Variants in TNN observed in about 807,000 individuals in gnomAD.
The protein encoded by TNN is tenascin-N.
In TNN, 122 loss-of-function variants were observed where a neutral mutation model predicts 134.4. The observed-to-expected ratio is 0.91, with a 90% CI of 0.78 to 1.06. TNN has a LOEUF of 1.06. Ranked by LOEUF, TNN falls within the 50% of genes least tolerant of loss-of-function variation. The pLI is 0.00. For synonymous variants in TNN, 710 were observed against 670.3 expected, an observed-to-expected ratio of 1.06 and a Z score of -0.91; for missense variants, 1,739 against 1,699.4, an observed-to-expected ratio of 1.02 and a Z score of -0.41.
chr1:175,138,031 G>T (rs926995930), intron 17 of TNN, among the ~76,000 whole-genome samples: 1 of 152,206 alleles, frequency 6.6e-6, no homozygotes, highest in Non-Finnish European at 1.5e-5. Context: ...GGAGGAAATA[G>T]AGGGCTCTCC....
At chr1:175,109,105 G>T (rs1157542219) in intron 9 of TNN, among the ~76,000 whole-genome samples, 1 of 45,476 alleles carries the variant, frequency 2.2e-5, no homozygotes, top group Admixed American at 2.1e-4. Context: ...TTTTTGAGAC[G>T]GAGTCTCGCT....
intron 9 of TNN, among the ~76,000 whole-genome samples, chr1:175,101,821 G>C (rs1458256837): frequency 1.3e-5 from 2 of 150,656 alleles, no homozygotes; most frequent in Non-Finnish European, 3.0e-5. Flanking sequence ...CACCAGAGCA[G>C]CTAGATACAC....
chr1:175,076,796 G>T (rs1207992320), intron 1 of TNN, among the ~76,000 whole-genome samples: 1 of 152,116 alleles, frequency 6.6e-6, no homozygotes, highest in Non-Finnish European at 1.5e-5. Context: ...GATTGCCTGG[G>T]TTCAAATCCT....
intron 9 of TNN, among the ~76,000 whole-genome samples, chr1:175,116,228 T>C (rs1675162858): frequency 6.6e-6 from 1 of 152,152 alleles, no homozygotes; most frequent in Non-Finnish European, 1.5e-5. Flanking sequence ...CTTTTTTTTC[T>C]TGTGGAGAAA....
At chr1:175,134,229 C>T (rs1025099122) in intron 15 of TNN, among the ~76,000 whole-genome samples, 26 of 152,140 alleles carry the variant, frequency 1.7e-4, no homozygotes, top group African/African-American at 6.3e-4. Flanking sequence ...CACACTTAAC[C>T]ACATCCCCAA....
rs111501481 is a variant in TNN at position 175,114,724 on chromosome 1, GT to G, written c.2120-2212del. 3.0e-4 allele frequency among the ~76,000 whole-genome samples: 44 copies of G among 145,524 alleles called. 1 individual carries two copies. Among genetic ancestry groups the G allele is most frequent in the African/African-American group, 1.1e-3 (44 of 38,964 alleles). ...CCCTGATGGGCAGGGTGCAGCCGTGGTTTAACTTGGAGGAAGAAGAAGTGCT... is the reference window on the plus strand; with the variant it reads ...CCCTGATGGGCAGGGTGCAGCCGTGGTTAACTTGGAGGAAGAAGAAGTGCT... On this transcript the variant is annotated intron_variant, in intron 9 of 18. Transcript: ENST00000239462.
intron 4 of TNN, 42 bp downstream of exon 4, chr1:175,080,468 C>G: frequency 6.2e-7 from 1 of 1,608,072 alleles, no homozygotes; most frequent in Non-Finnish European, 8.5e-7. Flanking sequence ...CAGGAGAGGC[C>G]CCATTCTAAA....
chr1:175,105,211 G>T (rs1411139935), intron 9 of TNN, among the ~76,000 whole-genome samples: 1 of 145,914 alleles, frequency 6.9e-6, no homozygotes, highest in Non-Finnish European at 1.5e-5. Flanking sequence ...GACCCTGTAG[G>T]ACATCTATGT....
chr1:175,139,101 GA>G (rs2101852875), intron 17 of TNN, among the ~76,000 whole-genome samples: 1 of 152,308 alleles, frequency 6.6e-6, no homozygotes, highest in Non-Finnish European at 1.5e-5. Flanking sequence ...GAGCGAATGT[GA>G]AGGCCCAGGA....
chr1:175,094,180 G>A lies in TNN; in HGVS notation c.1515G>A (p.Glu505=), dbSNP rs1674513909. 1.9e-6 allele frequency: 3 copies of A among 1,614,156 alleles called. No homozygotes were observed. Among genetic ancestry groups the A allele is most frequent in the African/African-American group, 2.7e-5 (2 of 75,052 alleles). ...TCCTGACGGGCCTGAAGCCAGGAGA[G>A]GCATACAAGGTCTACGTGTGGGCTG... ...STVLTGLKPG[E]AYKVYVWAER... The change falls in exon 7 of 19, where the codon GAG becomes GAA. Residue 505 remains glutamate (E), a synonymous_variant. Coordinates refer to ENST00000239462, the MANE Select transcript of TNN (RefSeq NM_022093.2).
intron 9 of TNN, among the ~76,000 whole-genome samples, chr1:175,111,486 CAAAAAAAAAAAAAAAAA>C (rs59538028): frequency 0.054 from 3,410 of 62,888 alleles, 184 homozygotes; most frequent in African/African-American, 0.18. Context: ...GACTCTGTCT[CAAAAAAAAAAAAAAAAA>C]AAAAAAAAAA....
chr1:175,083,580 G>T (rs1674250450), intron 4 of TNN, among the ~76,000 whole-genome samples, 170 bp from the exon 5 acceptor site: 1 of 152,212 alleles, frequency 6.6e-6, no homozygotes, highest in Non-Finnish European at 1.5e-5. Context: ...CAGCAGCTTA[G>T]TTGCTACTTT....
At chr1:175,077,919 C>A in intron 2 of TNN, 92 bp downstream of exon 2, 1 of 1,274,452 alleles carries the variant, frequency 7.8e-7, no homozygotes, top group Non-Finnish European at 1.1e-6. Context: ...CACTTTGTGA[C>A]TCTGGTGTGC....
In TNN at chr1:175,106,141, G is replaced by A. The variant is rs529793288; in HGVS notation, c.2119+7546G>A. 3.6e-4 allele frequency among the ~76,000 whole-genome samples: 52 copies of A among 145,368 alleles called. 9 individuals carry two copies. The South Asian group carries it at 8.3e-3, about 23-fold the overall frequency. ...CCGACTGAGAAAAATCAGATTTAGT[G>A]GCCCTTACTGACGCATTCTCAAAAA... On this transcript the variant is annotated intron_variant, in intron 9 of 18. Transcript: ENST00000239462.
chr1:175,093,661 G>A (rs922487765), intron 6 of TNN, among the ~76,000 whole-genome samples: 1 of 152,148 alleles, frequency 6.6e-6, no homozygotes, highest in African/African-American at 2.4e-5. Flanking sequence ...TTGCTGGTTG[G>A]TCTTCTGGAA....
intron 4 of TNN, among the ~76,000 whole-genome samples, chr1:175,083,305 T>G (rs571774352): frequency 6.6e-6 from 1 of 152,360 alleles, no homozygotes; most frequent in East Asian, 1.9e-4. Context: ...TTGAAATAGA[T>G]TCTCTCCACT....
chr1:175,070,281 A>T (rs1371267544), intron 1 of TNN, among the ~76,000 whole-genome samples: 2 of 152,184 alleles, frequency 1.3e-5, no homozygotes, highest in African/African-American at 4.8e-5. Context: ...ATCATCACTC[A>T]TTTGAGCCTT....
At chr1:175,079,229 A>T (rs1674127996) in intron 2 of TNN, 104 bp from the exon 3 acceptor site, 5 of 1,324,084 alleles carry the variant, frequency 3.8e-6, no homozygotes, top group Middle Eastern at 3.8e-4. Context: ...GACCCTTAAG[A>T]GTGGGGCTAA....
In TNN at chr1:175,147,308, C is replaced by T. The variant is rs192643910; in HGVS notation, c.*237C>T. 7 of 382,780 alleles carry T rather than the reference C, an allele frequency of 1.8e-5. No homozygotes were observed. Among genetic ancestry groups the T allele is most frequent in the South Asian group, 1.3e-4 (1 of 7,558 alleles). The allele number at this position is 382,780 out of a possible 1,614,324, so 23.7% of individuals were successfully genotyped here. On this transcript the variant is annotated 3_prime_UTR_variant, in exon 19 of 19. Coordinates refer to ENST00000239462, the MANE Select transcript of TNN (RefSeq NM_022093.2). ...ATGTGTAGGAAAGACAGTACTGGAA[C>T]GGCAAGGTTTCTCAGCTTATCTTCA...
Sources: gnomAD v4.1 joint callset for allele counts (sites outside exome capture counted in the v4.1 genomes callset) on GRCh38, gnomAD v4.1.1 for gene constraint, MANE v1.5 for transcripts, NCBI Gene and HGNC (gene_info 2026-07-23, HGNC 2026-07-21) for gene names.